KIAA0586: variants seen among roughly 807,000 people sequenced by gnomAD.
KIAA0586 encodes protein TALPID3.
In KIAA0586, 144 loss-of-function variants were observed where a neutral mutation model predicts 169.8. That is an observed-to-expected ratio of 0.85 (90% CI 0.74 to 0.97). The LOEUF is 0.97. KIAA0586 is among the 50% of genes least tolerant of loss of function. KIAA0586 has a pLI of 0.00. For missense variants in KIAA0586, 1,854 were observed against 1,823.0 expected (o/e 1.02, Z -0.31); for synonymous variants, 625 against 612.4 (o/e 1.02, Z -0.30).
chr14:58,442,646 T>G, intron 4 of KIAA0586, 60 bp from the exon 5 acceptor site: 1 of 1,214,846 alleles, frequency 8.2e-7, no homozygotes. Flanking sequence ...TTGTTAAGTA[T>G]TTCTTGAAAT....
intron 14 of KIAA0586, 145 bp from the exon 15 acceptor site, chr14:58,465,690 G>T: frequency 1.9e-6 from 1 of 515,830 alleles, no homozygotes; most frequent in Non-Finnish European, 3.3e-6. Context: ...TGCTACCTCT[G>T]GTCTATATAT....
intron 29 of KIAA0586, among the ~76,000 whole-genome samples, chr14:58,523,946 C>T (rs1295996581): frequency 1.3e-5 from 2 of 152,002 alleles, no homozygotes; most frequent in Non-Finnish European, 2.9e-5. Context: ...TCTAATCAAC[C>T]TAGTAACGAT....
intron 27 of KIAA0586, among the ~76,000 whole-genome samples, chr14:58,502,170 C>A (rs1254467858): frequency 2.6e-5 from 4 of 151,944 alleles, no homozygotes; most frequent in South Asian, 2.1e-4. Context: ...GAGTCTCGCT[C>A]TGTTGCCCAG....
At chr14:58,468,715 G>A (rs1566845166) in intron 16 of KIAA0586, among the ~76,000 whole-genome samples, 2 of 152,122 alleles carry the variant, frequency 1.3e-5, no homozygotes, top group South Asian at 2.1e-4. Flanking sequence ...ATTTACATGC[G>A]ACTTTCTATT....
chr14:58,489,261 G>A (rs917836156), intron 24 of KIAA0586, among the ~76,000 whole-genome samples: 2 of 136,710 alleles, frequency 1.5e-5, no homozygotes, highest in Non-Finnish European at 3.0e-5. Flanking sequence ...TCACTGTCAT[G>A]CAAGCTAGAG....
chr14:58,478,612 G>A (rs1001102084), intron 20 of KIAA0586, among the ~76,000 whole-genome samples: 1 of 152,158 alleles, frequency 6.6e-6, no homozygotes, highest in South Asian at 2.1e-4. Context: ...GATTACAGGA[G>A]TGAGTCACCG....
At chr14:58,461,656 A>G (rs983407217) in intron 14 of KIAA0586, among the ~76,000 whole-genome samples, 2 of 152,124 alleles carry the variant, frequency 1.3e-5, no homozygotes, top group Admixed American at 1.3e-4. Flanking sequence ...ACAGTGGGTG[A>G]TGATGAATCT....
Position 58,472,180 on chromosome 14 carries a change from T to C in KIAA0586, c.2554-19T>C. 1 of 1,458,408 alleles carries C rather than the reference T, an allele frequency of 6.9e-7. No homozygotes were observed. The highest frequency in any genetic ancestry group is 9.3e-7 in the Non-Finnish European group (1 of 1,078,384). The allele number at this position is 1,458,408 out of a possible 1,614,324, so 90.3% of individuals were successfully genotyped here. On this transcript the variant is annotated intron_variant, in intron 17 of 30. Coordinates refer to ENST00000652326, the MANE Select transcript of KIAA0586 (RefSeq NM_001329943.3). ...AAAGTGTTAAGCACAACAAAAACTT[T>C]CTGAAAATGCTTTCTTAGACTCCAG...
chr14:58,477,209 G>A lies in KIAA0586; in HGVS notation c.2912G>A (p.Ser971Asn), dbSNP rs3783696. 4.1e-5 allele frequency: 65 copies of A among 1,570,124 alleles called. No homozygotes were observed. The East Asian group carries it at 1.4e-3, about 33-fold the overall frequency. ...QIAPSISVSV[S>N]ETSEPLTSDI... ...GCACCTAGTATCAGTGTTTCAGTCA[G>A]TGAGACAAGTGAACCACTGACTTCT... The change falls in exon 20 of 31, where the codon AGT (serine) becomes AAT (asparagine). Residue 971 changes from serine (S) to asparagine (N), a missense_variant. Transcript: ENST00000652326.
chr14:58,538,015 A>G (rs1595533138), intron 29 of KIAA0586, among the ~76,000 whole-genome samples: 1 of 152,098 alleles, frequency 6.6e-6, no homozygotes, highest in East Asian at 1.9e-4. Flanking sequence ...GGGCATGGTG[A>G]CAGACACCTG....
intron 4 of KIAA0586, among the ~76,000 whole-genome samples, chr14:58,435,898 G>A (rs564341499): frequency 5.3e-5 from 8 of 152,024 alleles, no homozygotes; most frequent in Admixed American, 2.6e-4. Context: ...TAGTAGAGAC[G>A]GGGTTTTGCC....
chr14:58,537,415 T>C (rs1192164380), intron 29 of KIAA0586, among the ~76,000 whole-genome samples: 1 of 152,178 alleles, frequency 6.6e-6, no homozygotes, highest in Non-Finnish European at 1.5e-5. Flanking sequence ...GAGTTAATAT[T>C]CTCATTACTT....
chr14:58,477,132 A>G lies in KIAA0586; in HGVS notation c.2835A>G (p.Gln945=). The change falls in exon 20 of 31, where the codon CAA becomes CAG. Residue 945 remains glutamine, a synonymous_variant. Coordinates refer to ENST00000652326, the MANE Select transcript of KIAA0586 (RefSeq NM_001329943.3). ...LENSLIQWVE[Q]EIMSRIISGL... Reference sequence around the variant, plus strand: ...CCCACCATCCTCTCAGGGTAGAGCAAGAAATAATGTCAAGAATTATCTCTG... The same window carrying G: ...CCCACCATCCTCTCAGGGTAGAGCAGGAAATAATGTCAAGAATTATCTCTG... 6.4e-7 allele frequency: 1 copy of G among 1,554,662 alleles called. No individual in the cohort carries two copies. The highest frequency in any genetic ancestry group is 8.8e-7 in the Non-Finnish European group (1 of 1,141,526).
chr14:58,511,448 G>C (rs960179976), intron 28 of KIAA0586, among the ~76,000 whole-genome samples: 9 of 152,100 alleles, frequency 5.9e-5, no homozygotes, highest in Admixed American at 3.3e-4. Context: ...ACTTGCCCAA[G>C]GTCAAAGCTA....
chr14:58,546,338 A>G (rs2046980753), intron 30 of KIAA0586, among the ~76,000 whole-genome samples: 1 of 152,166 alleles, frequency 6.6e-6, no homozygotes, highest in Non-Finnish European at 1.5e-5. Flanking sequence ...TCCTTTTACA[A>G]GTATTCTGAG....
At chr14:58,429,831 T>C in intron 2 of KIAA0586, among the ~76,000 whole-genome samples, 1 of 152,210 alleles carries the variant, frequency 6.6e-6, no homozygotes, top group East Asian at 1.9e-4. Flanking sequence ...AGAATGGTTT[T>C]GGTTTTCTTA....
At chr14:58,427,586 G>C (rs1250703686), upstream of KIAA0586, 1 of 1,535,612 alleles carries the variant, frequency 6.5e-7, no homozygotes, top group South Asian at 1.2e-5. Flanking sequence ...TCCACCCGGA[G>C]AGGAATGGAA....
In KIAA0586 at chr14:58,488,121, C is replaced by T. The variant is rs1369279718; in HGVS notation, c.3527+12C>T. 4 of 1,541,892 alleles carry T rather than the reference C, an allele frequency of 2.6e-6. No homozygotes were observed. The highest frequency in any genetic ancestry group is 1.4e-5 in the African/African-American group (1 of 73,286). On this transcript the variant is annotated intron_variant, in intron 23 of 30. Transcript: ENST00000652326. Reference sequence around the variant, plus strand: ...CATCCAAGAGCTATGTAAATGAGAACATACTCACTAGTAACTGTACATTTC... The same window carrying T: ...CATCCAAGAGCTATGTAAATGAGAATATACTCACTAGTAACTGTACATTTC...
At chr14:58,461,217 T>C in intron 14 of KIAA0586, 57 bp downstream of exon 14, 2 of 1,244,518 alleles carry the variant, frequency 1.6e-6, no homozygotes, top group Non-Finnish European at 2.1e-6. Context: ...CAGTTTAATA[T>C]GTAAAGTTTC....
Sources: gnomAD v4.1 joint callset for allele counts (sites outside exome capture counted in the v4.1 genomes callset) on GRCh38, gnomAD v4.1.1 for gene constraint, MANE v1.5 for transcripts, NCBI Gene and HGNC (gene_info 2026-07-23, HGNC 2026-07-21) for gene names.